ZNF131: variants seen among roughly 807,000 people sequenced by gnomAD.
The protein encoded by ZNF131 is zinc finger protein 131.
Under a neutral mutation model 60.0 loss-of-function variants are expected in ZNF131, and 7 were observed. That is an observed-to-expected ratio of 0.12 (90% CI 0.07 to 0.22). The LOEUF (loss-of-function observed/expected upper bound fraction) is 0.22. ZNF131 is among the 10% of genes least tolerant of loss of function. The probability of loss-of-function intolerance (pLI) is 1.00; values close to 1 mark genes in which losing one functional copy is unlikely to be tolerated. For missense variants in ZNF131, 493 were observed against 740.9 expected (o/e 0.67, Z 3.88); for synonymous variants, 257 against 253.2 (o/e 1.01, Z -0.14).
intron 5 of ZNF131, among the ~76,000 whole-genome samples, chr5:43,170,688 A>C (rs1163182112): frequency 6.7e-6 from 1 of 148,314 alleles, no homozygotes; most frequent in Non-Finnish European, 1.5e-5. Context: ...GCTGGAGTGC[A>C]GTGGTGCAAT....
At chr5:43,122,408 CA>C (rs1743982311) in intron 2 of ZNF131, among the ~76,000 whole-genome samples, 1 of 152,204 alleles carries the variant, frequency 6.6e-6, no homozygotes, top group South Asian at 2.1e-4. Context: ...GTCTGGTGTT[CA>C]TCTCATTTTA....
rs910299419 is a variant in ZNF131, at chr5:43,161,966, C to T, written c.1054+35C>T. On this transcript the variant is annotated intron_variant, in intron 5 of 6. Transcript: ENST00000682664. ...AAATACTTTGTTAAAATTTTTTTTT[C>T]CCACATGCACTTCAAATTTAAGTAT... 3.3e-6 allele frequency: 5 copies of T among 1,518,680 alleles called. No homozygotes were observed. The African/African-American group carries it at 5.6e-5, about 17-fold the overall frequency. The allele number at this position is 1,518,680 out of a possible 1,614,324, so 94.1% of individuals were successfully genotyped here.
Position 43,161,252 on chromosome 5 carries a change from C to G in ZNF131, c.375C>G (p.Asn125Lys), listed in dbSNP as rs762496384. The change falls in exon 5 of 7, where the codon AAC becomes AAG. Residue 125 changes from asparagine to lysine, a missense_variant. Asn to Lys is a moderately conservative substitution (Grantham distance 94, BLOSUM62 0). This residue lies in a region of ZNF131 where 138 missense variants were observed against 158.7 expected (regional missense o/e 0.87). Transcript: ENST00000682664. The part of the protein sequence containing the change: ...LEAIKALEVR[N>K]KENSAPLEEN... ...ACCCCTACATTATGTATTTCAGGAACAAAGAAAACTCAGCTCCCTTAGAGG... is the reference window on the plus strand; with the variant it reads ...ACCCCTACATTATGTATTTCAGGAAGAAAGAAAACTCAGCTCCCTTAGAGG... The G allele has an allele frequency of 1.1e-5, 18 of 1,589,454 alleles. No individual in the cohort carries two copies. Among genetic ancestry groups the G allele is most frequent in the Middle Eastern group, 1.7e-4 (1 of 5,940 alleles).
intron 4 of ZNF131, among the ~76,000 whole-genome samples, chr5:43,140,506 G>T (rs1460142555): frequency 3.9e-5 from 6 of 152,278 alleles, no homozygotes; most frequent in Middle Eastern, 3.4e-3. Flanking sequence ...GTTTAGCATG[G>T]TGTCTGGCTA....
intron 4 of ZNF131, among the ~76,000 whole-genome samples, chr5:43,147,320 A>G (rs1043741108): frequency 4.6e-5 from 7 of 152,170 alleles, no homozygotes; most frequent in Admixed American, 2.6e-4. Context: ...GTAAACATCT[A>G]CAAGTGGAAT....
intron 3 of ZNF131, among the ~76,000 whole-genome samples, chr5:43,132,338 T>C (rs976563325): frequency 6.6e-6 from 1 of 152,156 alleles, no homozygotes; most frequent in African/African-American, 2.4e-5. Flanking sequence ...TGGTAGAGTG[T>C]AACTTGGTCT....
At chr5:43,157,300 A>G (rs1055198199) in intron 4 of ZNF131, among the ~76,000 whole-genome samples, 3 of 152,172 alleles carry the variant, frequency 2.0e-5, no homozygotes, top group Non-Finnish European at 4.4e-5. Context: ...TTCTCCCCTC[A>G]TCTCCCATGT....
chr5:43,134,148 C>G (rs1478825210), intron 3 of ZNF131, among the ~76,000 whole-genome samples: 1 of 152,134 alleles, frequency 6.6e-6, no homozygotes, highest in South Asian at 2.1e-4. Flanking sequence ...CAGACTGATT[C>G]TAACAGCAAG....
chr5:43,130,474 A>T (rs67596313), intron 3 of ZNF131, among the ~76,000 whole-genome samples: 1 of 151,956 alleles, frequency 6.6e-6, no homozygotes, highest in East Asian at 1.9e-4. Context: ...TTCAAAATTA[A>T]TTTTCCTGAG....
chr5:43,170,668 G>A (rs1008563803), intron 5 of ZNF131, among the ~76,000 whole-genome samples: 37 of 144,772 alleles, frequency 2.6e-4, no homozygotes, highest in Non-Finnish European at 4.8e-4. Context: ...AGTCTCACTC[G>A]GTCACCCAGG....
chr5:43,144,675 A>G (rs1387005336), intron 4 of ZNF131, among the ~76,000 whole-genome samples: 2 of 152,070 alleles, frequency 1.3e-5, no homozygotes, highest in African/African-American at 4.8e-5. Context: ...TTTTTTGACA[A>G]ATGTCTTGTG....
chr5:43,130,885 A>G (rs750087005), intron 3 of ZNF131, among the ~76,000 whole-genome samples: 1 of 129,866 alleles, frequency 7.7e-6, no homozygotes, highest in Non-Finnish European at 1.6e-5. Flanking sequence ...GTTTTTTGAG[A>G]TGGAGTCTCA....
chr5:43,129,733 C>A (rs575126750), intron 3 of ZNF131, among the ~76,000 whole-genome samples: 1 of 152,104 alleles, frequency 6.6e-6, no homozygotes, highest in East Asian at 1.9e-4. Flanking sequence ...CGGCTCACTA[C>A]AGCCTCTGCC....
chr5:43,175,697 G>T lies in ZNF131; in HGVS notation c.*564G>T. 1 of 344,240 alleles carries T rather than the reference G, an allele frequency of 2.9e-6. No individual in the cohort carries two copies. Among genetic ancestry groups the T allele is most frequent in the Non-Finnish European group, 5.1e-6 (1 of 197,280 alleles). The allele number at this position is 344,240 out of a possible 1,614,324, so 21.3% of individuals were successfully genotyped here. A position where few individuals can be genotyped will look rare whatever the true frequency, so the allele number is the denominator to read the frequency against. On this transcript the variant is annotated 3_prime_UTR_variant, in exon 7 of 7. Coordinates refer to ENST00000682664, the MANE Select transcript of ZNF131 (RefSeq NM_001330707.2). The stretch of plus-strand genomic sequence containing the variant: ...CCATCTTTGCAACAGAAAGAGTGGT[G>T]GTGGCAAAATTTCTAGAATGTTAAA...
At chr5:43,150,449 C>T (rs1357131501) in intron 4 of ZNF131, among the ~76,000 whole-genome samples, 3 of 152,218 alleles carry the variant, frequency 2.0e-5, no homozygotes, top group Admixed American at 1.3e-4. Flanking sequence ...TGAATTTTCC[C>T]CATAAGTACA....
At position 43,175,687 on chromosome 5, in the gene ZNF131, A is replaced by C. The variant is rs577269183; in HGVS notation, c.*554A>C. 2.5e-4 allele frequency: 93 copies of C among 379,024 alleles called. 1 individual carries two copies. The Admixed American group carries it at 4.3e-3, about 17-fold the overall frequency. 23.5% of individuals were successfully genotyped at this position (379,024 alleles called of 1,614,324 possible). ...GTCACAGATGCCATCTTTGCAACAG[A>C]AAGAGTGGTGGTGGCAAAATTTCTA... is the stretch of plus-strand genomic sequence containing the variant. On this transcript the variant is annotated 3_prime_UTR_variant, in exon 7 of 7. Transcript: ENST00000682664.
At chr5:43,144,774 A>G (rs887045158) in intron 4 of ZNF131, among the ~76,000 whole-genome samples, 1 of 152,078 alleles carries the variant, frequency 6.6e-6, no homozygotes, top group African/African-American at 2.4e-5. Flanking sequence ...AGGAAGTGGT[A>G]CACGTAAAGC....
At chr5:43,161,171 C>A in intron 4 of ZNF131, 78 bp from the exon 5 acceptor site, 1 of 1,291,334 alleles carries the variant, frequency 7.7e-7, no homozygotes, top group Non-Finnish European at 1.1e-6. Context: ...AATTTTATTG[C>A]CACTTTATCA....
intron 5 of ZNF131, among the ~76,000 whole-genome samples, chr5:43,164,940 T>C (rs1750163760): frequency 6.7e-6 from 1 of 150,348 alleles, no homozygotes; most frequent in Non-Finnish European, 1.5e-5. Context: ...GTTGTTGTTC[T>C]CTTCTCTCCT....
Sources: gnomAD v4.1 joint callset for allele counts (sites outside exome capture counted in the v4.1 genomes callset) on GRCh38, gnomAD v4.1.1 for gene constraint, gnomAD v4.1.1 regional missense constraint, MANE v1.5 for transcripts, NCBI Gene and HGNC (gene_info 2026-07-23, HGNC 2026-07-21) for gene names.